The following CDCA2 variants were observed in gnomAD, a reference collection of about 807,000 sequenced individuals.
The protein encoded by CDCA2 is cell division cycle-associated protein 2.
A neutral mutation model predicts 67.0 loss-of-function variants in CDCA2; 44 were observed. The ratio of observed to expected loss-of-function variants is 0.66; its 90% confidence interval spans 0.52 to 0.84. The LOEUF is 0.84. Ranked by LOEUF, CDCA2 falls within the 40% of genes least tolerant of loss-of-function variation. The pLI is 0.00. For synonymous variants in CDCA2, 447 were observed against 418.7 expected, an observed-to-expected ratio of 1.07 and a Z score of -0.82; for missense variants, 1,253 against 1,203.2, an observed-to-expected ratio of 1.04 and a Z score of -0.61.
intron 4 of CDCA2, among the ~76,000 whole-genome samples, chr8:25,462,663 G>C (rs1370054425): frequency 6.6e-6 from 1 of 151,838 alleles, no homozygotes; most frequent in Non-Finnish European, 1.5e-5. Context: ...TGATGATGTT[G>C]ACCATGGGTG....
At chr8:25,486,332 G>A (rs573674145) in intron 11 of CDCA2, among the ~76,000 whole-genome samples, 1 of 152,106 alleles carries the variant, frequency 6.6e-6, no homozygotes, top group Non-Finnish European at 1.5e-5. Flanking sequence ...CATGGGCCAG[G>A]CACCTTTATT....
rs776188176 is a variant in CDCA2 at position 25,460,426 on chromosome 8, C to A, written c.104C>A (p.Pro35His). 6.2e-7 allele frequency: 1 copy of A among 1,614,134 alleles called. No individual in the cohort carries two copies. Among genetic ancestry groups the A allele is most frequent in the Non-Finnish European group, 8.5e-7 (1 of 1,180,016 alleles). Residue 35 changes from proline (P) to histidine (H), a missense_variant, in exon 3 of 15, where the codon CCT (proline) becomes CAT (histidine). By Grantham distance (77) the Pro-to-His change is moderately conservative (BLOSUM62 -2). Transcript: ENST00000330560. ...FILGTGKIVT[P>H]QKHAELPPNP... ...TTGGGAACTGGGAAGATTGTGACTC[C>A]TCAGAAGCATGCCGAATTACCTCCT...
At chr8:25,468,560 T>C (rs1296988666) in intron 6 of CDCA2, 147 bp downstream of exon 6, 39 of 430,066 alleles carry the variant, frequency 9.1e-5, no homozygotes, top group Middle Eastern at 6.2e-4. Context: ...TGTGTGTGCG[T>C]GTGTGTGTGT....
At chr8:25,476,574 A>C (rs1803358582) in intron 7 of CDCA2, among the ~76,000 whole-genome samples, 1 of 146,040 alleles carries the variant, frequency 6.8e-6, no homozygotes, top group African/African-American at 2.6e-5. Context: ...TTTTTTTGAG[A>C]TGGAGTCTCA....
chr8:25,485,704 A>G (rs1213452153), intron 10 of CDCA2, 55 bp from the exon 11 acceptor site: 7 of 990,188 alleles, frequency 7.1e-6, no homozygotes, highest in Non-Finnish European at 1.1e-5. Flanking sequence ...TTTTGGGCAC[A>G]TTATGTATTC....
In CDCA2 at chr8:25,468,329, T is replaced by C; in HGVS notation, c.651T>C (p.Ala217=). The change falls in exon 6 of 15, where the codon GCT becomes GCC. Residue 217 remains alanine, a synonymous_variant. Coordinates refer to ENST00000330560, the MANE Select transcript of CDCA2 (RefSeq NM_152562.4). ...ACTCTGATGAAAATCTGACGGATGC[T>C]GAAGGAAAAGTAATTGGTCTCCAGA... ...QRDSDENLTD[A]EGKVIGLQIF... The C allele has an allele frequency of 6.2e-7, 1 of 1,613,926 alleles. No individual in the cohort carries two copies.
chr8:25,496,039 C>T (rs1404223982), intron 13 of CDCA2, among the ~76,000 whole-genome samples: 4 of 151,992 alleles, frequency 2.6e-5, no homozygotes, highest in Non-Finnish European at 5.9e-5. Context: ...TTAGACATAC[C>T]AGTTAAAAGG....
Position 25,483,481 on chromosome 8 carries a change from A to C in CDCA2, c.1115A>C (p.Glu372Ala). ...SNLPNCCKEK[E>A]AEDEENFEAP... ...CTCCCAAACTGTTGCAAAGAGAAAG[A>C]AGCAGGTAAGAAATTCATACTTGTT... The change falls in exon 9 of 15, where the codon GAA (glutamate) becomes GCA (alanine). Residue 372 changes from glutamate (E) to alanine (A), a missense_variant. Glu to Ala is a moderately radical substitution (Grantham distance 107, BLOSUM62 -1). Transcript: ENST00000330560. 4 of 1,606,888 alleles carry C rather than the reference A, an allele frequency of 2.5e-6. No homozygotes were observed. Among genetic ancestry groups the C allele is most frequent in the Non-Finnish European group, 3.4e-6 (4 of 1,175,360 alleles).
At chr8:25,469,668 A>G (rs7817239) in intron 6 of CDCA2, among the ~76,000 whole-genome samples, 146,222 of 152,000 alleles carry the variant, frequency 0.96, 70,562 homozygotes, top group East Asian at 1. Context: ...GATGCAGTTA[A>G]TATGAATAGT....
At position 25,492,732 on chromosome 8, in the gene CDCA2, CTATT is replaced by C. The variant is rs546973215; in HGVS notation, c.1671+4045_1671+4048del. On this transcript the variant is annotated intron_variant, in intron 13 of 14. Coordinates refer to ENST00000330560, the MANE Select transcript of CDCA2 (RefSeq NM_152562.4). ...GTTTGCAGTCATAATAATACAGATG[CTATT>C]TGTTTTCAACTAAGGACGAAGCTTT... is the stretch of plus-strand genomic sequence containing the variant. 3.3e-5 allele frequency among the ~76,000 whole-genome samples: 5 copies of C among 152,284 alleles called. No homozygotes were observed. The South Asian group carries it at 1.0e-3, about 32-fold the overall frequency.
intron 14 of CDCA2, among the ~76,000 whole-genome samples, 187 bp downstream of exon 14, chr8:25,503,731 A>G (rs546159690): frequency 8.5e-5 from 13 of 152,372 alleles, no homozygotes; most frequent in African/African-American, 3.1e-4. Flanking sequence ...CTTGTAGGTG[A>G]CTTAGATCCT....
chr8:25,475,348 G>A (rs1305648404), intron 7 of CDCA2, among the ~76,000 whole-genome samples: 1 of 151,990 alleles, frequency 6.6e-6, no homozygotes, highest in East Asian at 1.9e-4. Context: ...GTGAAATCCC[G>A]GCTCTACTAA....
chr8:25,502,597 A>G (rs1375445246), intron 13 of CDCA2, among the ~76,000 whole-genome samples: 1 of 151,864 alleles, frequency 6.6e-6, no homozygotes, highest in Non-Finnish European at 1.5e-5. Context: ...TGTTTTCTTC[A>G]TATTTTACAT....
intron 11 of CDCA2, among the ~76,000 whole-genome samples, chr8:25,486,644 A>C (rs916428999): frequency 2.1e-5 from 1 of 46,656 alleles, no homozygotes; most frequent in African/African-American, 5.8e-5. Context: ...CTCTACTGAA[A>C]ATACAAAAAA....
intron 4 of CDCA2, among the ~76,000 whole-genome samples, 162 bp downstream of exon 4, chr8:25,462,370 T>G (rs1802729456): frequency 6.6e-6 from 1 of 152,184 alleles, no homozygotes. Flanking sequence ...CTCACGCCTA[T>G]AATCCCAGTA....
At chr8:25,497,489 CT>C (rs1384907799) in intron 13 of CDCA2, among the ~76,000 whole-genome samples, 3 of 81,342 alleles carry the variant, frequency 3.7e-5, no homozygotes, top group Non-Finnish European at 6.8e-5. Flanking sequence ...CATGTGGAAT[CT>C]TTAAAAAATA....
In CDCA2 at chr8:25,468,387, G is replaced by A. The variant is rs897359537; in HGVS notation, c.709G>A (p.Val237Ile). Reference protein sequence around the residue: ...FNIDTDRACAVETSVDLSEIS... With the variant: ...FNIDTDRACAIETSVDLSEIS... ...TATTGATACAGACAGAGCATGTGCA[G>A]TTGAAACTTCTGTAGATCTTTCTGA... is the stretch of plus-strand genomic sequence containing the variant. Residue 237 changes from valine (V) to isoleucine (I), a missense_variant, in exon 6 of 15, where the codon GTT becomes ATT. Transcript: ENST00000330560. 6.2e-7 allele frequency: 1 copy of A among 1,611,728 alleles called. No individual in the cohort carries two copies. The highest frequency in any genetic ancestry group is 1.3e-5 in the African/African-American group (1 of 74,842).
At position 25,484,080 on chromosome 8, in the gene CDCA2, C is replaced by A; in HGVS notation, c.1235C>A (p.Thr412Asn). Residue 412 changes from threonine to asparagine, a missense_variant, in exon 10 of 15, where the codon ACT becomes AAT. Transcript: ENST00000330560. Reference sequence around the variant, plus strand: ...TTTGATGAATCTTTGCCAGCAAATACTCCATTGCGTAAAGGAGGAACACCT... The same window carrying A: ...TTTGATGAATCTTTGCCAGCAAATAATCCATTGCGTAAAGGAGGAACACCT... The part of the protein sequence containing the change: ...EVFDESLPAN[T>N]PLRKGGTPVC... 2 of 1,614,168 alleles carry A rather than the reference C, an allele frequency of 1.2e-6. No homozygotes were observed. Among genetic ancestry groups the A allele is most frequent in the Non-Finnish European group, 1.7e-6 (2 of 1,180,034 alleles).
In CDCA2 at chr8:25,507,430, A is replaced by G. The variant is rs1804727690; in HGVS notation, c.2764A>G (p.Arg922Gly). ...TTCCACTTCCCAAAAAGCCAAAAGAAGAACAATATGTACATTTGACAGCAG... is the reference window on the plus strand; with the variant it reads ...TTCCACTTCCCAAAAAGCCAAAAGAGGAACAATATGTACATTTGACAGCAG... ...LPSTSQKAKR[R>G]TICTFDSSGF... Residue 922 changes from arginine to glycine, a missense_variant, in exon 15 of 15, where the codon AGA (arginine) becomes GGA (glycine). Coordinates refer to ENST00000330560, the MANE Select transcript of CDCA2 (RefSeq NM_152562.4). The G allele has an allele frequency of 6.2e-7, 1 of 1,614,130 alleles. No individual in the cohort carries two copies.
Sources: gnomAD v4.1 joint callset for allele counts (sites outside exome capture counted in the v4.1 genomes callset) on GRCh38, gnomAD v4.1.1 for gene constraint, MANE v1.5 for transcripts, NCBI Gene and HGNC (gene_info 2026-07-23, HGNC 2026-07-21) for gene names.